FBXW8: variants seen among roughly 807,000 people sequenced by gnomAD.
FBXW8 encodes the protein F-box/WD repeat-containing protein 8.
FBXW8 carries 57 observed loss-of-function variants against 65.3 expected under a neutral mutation model. The ratio of observed to expected loss-of-function variants is 0.87; its 90% CI spans 0.71 to 1.09. FBXW8 has a LOEUF of 1.09. Ranked by LOEUF, FBXW8 falls within the 50% of genes least tolerant of loss-of-function variation. The pLI is 0.00. For synonymous variants in FBXW8, 308 were observed against 330.2 expected (o/e 0.93, Z 0.73); for missense variants, 777 against 814.8 (o/e 0.95, Z 0.57).
chr12:116,931,394 CT>C lies in FBXW8; in HGVS notation c.423+3277del, dbSNP rs973954221. Among the ~76,000 whole-genome samples, 56 of 149,244 alleles carry C rather than the reference CT, an allele frequency of 3.8e-4. 1 individual carries two copies. The highest frequency in any genetic ancestry group is 2.9e-3 in the East Asian group (15 of 5,126). On this transcript the variant is annotated intron_variant, in intron 2 of 10. Coordinates refer to ENST00000652555, the MANE Select transcript of FBXW8 (RefSeq NM_153348.3). Reference sequence around the variant, plus strand: ...TTTTGTGTTTTTATGCAAATTTTATCTTTTTTTTTTCCTGTATCTGTGAAAA... The same window carrying C: ...TTTTGTGTTTTTATGCAAATTTTATCTTTTTTTTTCCTGTATCTGTGAAAA...
intron 4 of FBXW8, among the ~76,000 whole-genome samples, chr12:116,955,912 C>T (rs1296368691): frequency 6.6e-6 from 1 of 152,190 alleles, no homozygotes; most frequent in African/African-American, 2.4e-5. Context: ...CCAGTAGCTC[C>T]TTGGAGGCCT....
At chr12:117,026,608 C>CCAACAGACTCTTT (rs112723313) in intron 9 of FBXW8, among the ~76,000 whole-genome samples, 1 of 151,914 alleles carries the variant, frequency 6.6e-6, no homozygotes, top group African/African-American at 2.4e-5. Context: ...TGCACCCCTC[C>CCAACAGACTCTTT]CAGCCCACAG....
At position 117,031,035 on chromosome 12, in the gene FBXW8, G is replaced by A. The variant is rs181770507; in HGVS notation, c.*2863G>A. The A allele has an allele frequency of 6.6e-6, 1 of 152,326 alleles. No homozygotes were observed. The highest frequency in any genetic ancestry group is 1.5e-5 in the Non-Finnish European group (1 of 68,038). 9.4% of individuals were successfully genotyped at this position (152,326 alleles called of 1,614,324 possible). ...GAAGATACTCGAGCATGCTGCCAGG[G>A]GAGCTGGATGGTGAAACACCTGAAG... On this transcript the variant is annotated 3_prime_UTR_variant, in exon 11 of 11. Coordinates refer to ENST00000652555, the MANE Select transcript of FBXW8 (RefSeq NM_153348.3).
chr12:117,027,583 CA>C, intron 10 of FBXW8, 79 bp downstream of exon 10: 1 of 1,108,870 alleles, frequency 9.0e-7, no homozygotes, highest in African/African-American at 1.5e-5. Flanking sequence ...CGCCGTGACA[CA>C]TTGCACCCTA....
intron 7 of FBXW8, among the ~76,000 whole-genome samples, chr12:116,996,786 C>T (rs555912479): frequency 6.6e-6 from 1 of 152,280 alleles, no homozygotes; most frequent in Admixed American, 6.5e-5. Flanking sequence ...GGGTTGCCGT[C>T]ATTGTTAATG....
chr12:116,954,815 A>G (rs868528183), intron 4 of FBXW8, among the ~76,000 whole-genome samples: 4 of 152,144 alleles, frequency 2.6e-5, no homozygotes, highest in Non-Finnish European at 4.4e-5. Flanking sequence ...CATCCCTGCC[A>G]TCTTCCTGTT....
At chr12:116,997,807 TTTG>T (rs1189877866) in intron 7 of FBXW8, among the ~76,000 whole-genome samples, 3 of 152,108 alleles carry the variant, frequency 2.0e-5, no homozygotes, top group African/African-American at 4.8e-5. Flanking sequence ...AAGAATTGTT[TTTG>T]TTGTTGTTGT....
chr12:116,945,094 T>A (rs1297206115), intron 2 of FBXW8, among the ~76,000 whole-genome samples: 3 of 152,272 alleles, frequency 2.0e-5, no homozygotes, highest in Admixed American at 1.3e-4. Flanking sequence ...TATGTATTTG[T>A]GTATTTTCTT....
In FBXW8 at chr12:117,024,317, C is replaced by A. The variant is rs779678271; in HGVS notation, c.1538C>A (p.Ser513Tyr). The A allele has an allele frequency of 1.2e-6, 2 of 1,614,104 alleles. No homozygotes were observed. Among genetic ancestry groups the A allele is most frequent in the Non-Finnish European group, 1.7e-6 (2 of 1,179,980 alleles). Reference sequence around the variant, plus strand: ...AACCAGAAGCTGTGGGAGGTGTATTCCGGGTAAGGTGCATTCTAGACACTC... The same window carrying A: ...AACCAGAAGCTGTGGGAGGTGTATTACGGGTAAGGTGCATTCTAGACACTC... ...RMNQKLWEVY[S>Y]GHPVQHISFS... is the part of the protein sequence containing the mutation. Residue 513 changes from serine (S) to tyrosine (Y), a missense_variant, in exon 9 of 11, where the codon TCC becomes TAC. Physicochemically the swap from Ser to Tyr is moderately radical, Grantham distance 144 (BLOSUM62 -2). Coordinates refer to ENST00000652555, the MANE Select transcript of FBXW8 (RefSeq NM_153348.3).
intron 3 of FBXW8, 75 bp from the exon 4 acceptor site, chr12:116,949,543 G>T (rs1883134676): frequency 7.5e-7 from 1 of 1,326,406 alleles, no homozygotes; most frequent in Non-Finnish European, 1.1e-6. Context: ...TGGAAAGTAG[G>T]TGAAAAAGCA....
rs1954166832 is a variant in FBXW8, at chr12:117,024,155, T to A, written c.1376T>A (p.Ile459Asn). Residue 459 changes from isoleucine to asparagine, a missense_variant, in exon 9 of 11, where the codon ATC (isoleucine) becomes AAC (asparagine). Physicochemically the swap from Ile to Asn is moderately radical, Grantham distance 149. Transcript: ENST00000652555. ...TTCCTGGGCCTGTCCAGGGTGAGGA[T>A]CCACGACCTCCGCAGTGGTAACATC... ...VSGNMDGRVR[I>N]HDLRSGNIAL... 14 of 1,613,558 alleles carry A rather than the reference T, an allele frequency of 8.7e-6. No individual in the cohort carries two copies. The highest frequency in any genetic ancestry group is 1.2e-5 in the Non-Finnish European group (14 of 1,179,786).
chr12:116,948,173 A>G (rs1395857879), intron 3 of FBXW8, among the ~76,000 whole-genome samples: 1 of 152,244 alleles, frequency 6.6e-6, no homozygotes, highest in Non-Finnish European at 1.5e-5. Context: ...ATGATTTGCT[A>G]AACTAATTGT....
intron 5 of FBXW8, chr12:116,978,894 G>C (rs1332709150): frequency 6.6e-6 from 1 of 152,030 alleles, no homozygotes; most frequent in Non-Finnish European, 1.5e-5. Context: ...AGTAATTTTG[G>C]AAAGTTCTGC....
At chr12:117,027,675 A>G (rs1954266734) in intron 10 of FBXW8, among the ~76,000 whole-genome samples, 171 bp downstream of exon 10, 1 of 151,508 alleles carries the variant, frequency 6.6e-6, no homozygotes, top group Admixed American at 6.6e-5. Flanking sequence ...CTGAGCACCC[A>G]GCATCTGATG....
Position 116,985,642 on chromosome 12 carries a change from T to TA in FBXW8, c.1032+241dup, listed in dbSNP as rs1885627539. 6 of 444,338 alleles carry TA rather than the reference T, an allele frequency of 1.4e-5. No homozygotes were observed. In the East Asian group the frequency reaches 2.3e-4, roughly 17 times the overall value. The allele number at this position is 444,338 out of a possible 1,614,324, so 27.5% of individuals were successfully genotyped here. ...GCCCCAGTTCTCAGAGGTAAGAAGT[T>TA]ACGATTCAAACCTCAGGGCTGACTT... On this transcript the variant is annotated intron_variant, in intron 6 of 10. Coordinates refer to ENST00000652555, the MANE Select transcript of FBXW8 (RefSeq NM_153348.3).
chr12:116,932,715 G>A (rs1470006250), intron 2 of FBXW8, among the ~76,000 whole-genome samples: 2 of 152,068 alleles, frequency 1.3e-5, no homozygotes, highest in African/African-American at 2.4e-5. Context: ...TGTATTTTTA[G>A]TAGAGACGGG....
intron 8 of FBXW8, among the ~76,000 whole-genome samples, chr12:117,011,665 C>T (rs923111919): frequency 2.7e-4 from 41 of 152,108 alleles, no homozygotes; most frequent in African/African-American, 8.9e-4. Context: ...AAGCTCCTCT[C>T]CTAGGATCTC....
intron 9 of FBXW8, among the ~76,000 whole-genome samples, 178 bp downstream of exon 9, chr12:117,024,498 C>G (rs1157856743): frequency 6.6e-6 from 1 of 152,240 alleles, no homozygotes; most frequent in Admixed American, 6.5e-5. Context: ...GAGGAGGAAA[C>G]AGGCTTGGAA....
intron 5 of FBXW8, among the ~76,000 whole-genome samples, chr12:116,972,901 T>C (rs920755487): frequency 6.2e-4 from 94 of 152,200 alleles, no homozygotes; most frequent in African/African-American, 2.2e-3. Flanking sequence ...TATCACTATC[T>C]ACTAAAAGGA....
Sources: allele counts gnomAD v4.1 joint callset (sites outside exome capture counted in the v4.1 genomes callset), GRCh38; gene constraint gnomAD v4.1.1; transcripts MANE v1.5; gene names NCBI Gene and HGNC (gene_info 2026-07-23, HGNC 2026-07-21).